SOS1: variants seen among roughly 807,000 people sequenced by gnomAD.
SOS1 encodes SOS Ras/Rac guanine nucleotide exchange factor 1, also known as son of sevenless homolog 1.
A neutral mutation model predicts 157.6 loss-of-function variants in SOS1; 25 were observed. That is an observed-to-expected ratio of 0.16 (90% confidence interval 0.12 to 0.22). SOS1 has a LOEUF of 0.22. SOS1 is among the 10% of genes least tolerant of loss of function. The pLI, the probability that SOS1 is intolerant of heterozygous loss-of-function variation, is 1.00. For synonymous variants in SOS1, 528 were observed against 534.0 expected (o/e 0.99, Z 0.16); for missense variants, 1,237 against 1,599.1 (o/e 0.77, Z 3.86).
intron 6 of SOS1, among the ~76,000 whole-genome samples, chr2:39,042,405 T>G (rs1381239346): frequency 6.6e-6 from 1 of 151,862 alleles, no homozygotes; most frequent in Non-Finnish European, 1.5e-5. Flanking sequence ...ATGTATTTAT[T>G]TATTTATTTA....
At chr2:39,026,949 TACCTTA>T (rs1347116228) in intron 8 of SOS1, among the ~76,000 whole-genome samples, 2 of 152,314 alleles carry the variant, frequency 1.3e-5, no homozygotes, top group East Asian at 3.9e-4. Context: ...GCTTGCTGTA[TACCTTA>T]AGGCAAATTT....
intron 1 of SOS1, among the ~76,000 whole-genome samples, chr2:39,102,654 G>C (rs1022048950): frequency 6.6e-6 from 1 of 150,752 alleles, no homozygotes; most frequent in African/African-American, 2.4e-5. Flanking sequence ...GGAAAAGAAA[G>C]ACTGGTGCGG....
intron 1 of SOS1, among the ~76,000 whole-genome samples, chr2:39,096,175 G>C (rs972040193): frequency 2.0e-5 from 3 of 152,176 alleles, no homozygotes; most frequent in Non-Finnish European, 4.4e-5. Context: ...TCCTTAAGCA[G>C]ACTTGGCTAG....
rs767619216 is a variant in SOS1 at position 38,995,293 on chromosome 2, T to C, written c.3176A>G (p.Glu1059Gly). Residue 1059 changes from glutamate to glycine, a missense_variant, in exon 20 of 23, where the codon GAG (glutamate) becomes GGG (glycine). Coordinates refer to ENST00000402219, the MANE Select transcript of SOS1 (RefSeq NM_005633.4). Reference sequence around the variant, plus strand: ...CCTACTATAACTAATTTTCCTTGGCTCCTGCTGCAGAGGTGTGGGATGCCT... The same window carrying C: ...CCTACTATAACTAATTTTCCTTGGCCCCTGCTGCAGAGGTGTGGGATGCCT... ...TMRHPTPLQQEPRKISYSRIP... is the reference protein window; with the variant it reads ...TMRHPTPLQQGPRKISYSRIP... The C allele has an allele frequency of 1.9e-6, 3 of 1,614,028 alleles. No individual in the cohort carries two copies.
intron 1 of SOS1, among the ~76,000 whole-genome samples, chr2:39,073,900 A>G (rs983217855): frequency 1.3e-5 from 2 of 152,250 alleles, no homozygotes; most frequent in Non-Finnish European, 2.9e-5. Context: ...ATTTAAAAAT[A>G]TAAAGACAGA....
At chr2:39,021,775 G>A (rs993330268) in intron 10 of SOS1, among the ~76,000 whole-genome samples, 11 of 151,574 alleles carry the variant, frequency 7.3e-5, no homozygotes, top group African/African-American at 2.7e-4. Context: ...CAGAAAAGAA[G>A]TATTTTGCAA....
rs1470824092 is a variant in SOS1 at position 39,120,694 on chromosome 2, C to G, written c.-272G>C. ...GCACCACCGCCCCGGGGCCAGGCCC[C>G]CCGCCCCTCCCCGGCCCGCCGGCGC... On this transcript the variant is annotated 5_prime_UTR_variant, in exon 1 of 23. Transcript: ENST00000402219. Among the ~76,000 whole-genome samples the G allele has an allele frequency of 6.8e-6, 1 of 146,700 alleles. No individual in the cohort carries two copies. The highest frequency in any genetic ancestry group is 2.4e-5 in the African/African-American group (1 of 40,886).
chr2:39,008,949 T>C (rs1366538334), intron 15 of SOS1, among the ~76,000 whole-genome samples: 8 of 97,190 alleles, frequency 8.2e-5, no homozygotes, highest in Admixed American at 1.7e-4. Context: ...GTATGACTCT[T>C]ACAAGGGGTG....
At chr2:39,117,522 T>C (rs558409552) in intron 1 of SOS1, among the ~76,000 whole-genome samples, 1 of 152,314 alleles carries the variant, frequency 6.6e-6, no homozygotes, top group South Asian at 2.1e-4. Context: ...AAGGTTATGG[T>C]AGACAATCCA....
Position 39,012,200 on chromosome 2 carries a change from C to G in SOS1, c.2316G>C (p.Glu772Asp), listed in dbSNP as rs1176763588. ...GGTGTAAGGTGAGCAGGTCAAAAGT[C>G]TCTATGTGCCCAGGTCTGCTTATAT... ...EWHISRPGHI[E>D]TFDLLTLHPI... Residue 772 changes from glutamate to aspartate, a missense_variant, in exon 14 of 23, where the codon GAG becomes GAC. Around this residue, in one of 15 missense-constraint regions of SOS1, gnomAD observed 39 missense variants for 40.5 expected, o/e 0.96. Transcript: ENST00000402219. 6.2e-7 allele frequency: 1 copy of G among 1,613,758 alleles called. No individual in the cohort carries two copies. Among genetic ancestry groups the G allele is most frequent in the Non-Finnish European group, 8.5e-7 (1 of 1,179,776 alleles).
At chr2:39,008,027 T>G (rs1344688784) in intron 15 of SOS1, among the ~76,000 whole-genome samples, 1 of 152,180 alleles carries the variant, frequency 6.6e-6, no homozygotes, top group African/African-American at 2.4e-5. Flanking sequence ...TACTCCAGAT[T>G]CCTGCAGTCA....
At chr2:39,019,930 G>A (rs1438143401) in intron 10 of SOS1, among the ~76,000 whole-genome samples, 1 of 151,446 alleles carries the variant, frequency 6.6e-6, no homozygotes. Context: ...AACCAAGGAA[G>A]TAATTTATTT....
chr2:39,084,583 C>T (rs1672309219), intron 1 of SOS1, among the ~76,000 whole-genome samples: 1 of 152,014 alleles, frequency 6.6e-6, no homozygotes, highest in South Asian at 2.1e-4. Context: ...TATTTGTGCA[C>T]ATTTATAACA....
intron 8 of SOS1, among the ~76,000 whole-genome samples, chr2:39,026,926 G>A (rs372740929): frequency 9.2e-5 from 14 of 152,228 alleles, no homozygotes; most frequent in East Asian, 7.7e-4. Context: ...GTGTTGGGCC[G>A]GGGGTTAGAC....
At chr2:39,028,956 C>A (rs1670066375) in intron 8 of SOS1, among the ~76,000 whole-genome samples, 1 of 152,172 alleles carries the variant, frequency 6.6e-6, no homozygotes, top group Admixed American at 6.6e-5. Flanking sequence ...TTTACTAGCC[C>A]TCTTAGCAAA....
At chr2:39,034,294 G>A (rs1670267731) in intron 8 of SOS1, among the ~76,000 whole-genome samples, 1 of 152,176 alleles carries the variant, frequency 6.6e-6, no homozygotes, top group Admixed American at 6.5e-5. Context: ...CCAGTTTACT[G>A]TTAATAAATT....
At chr2:39,095,479 GAACT>G (rs1392025746) in intron 1 of SOS1, among the ~76,000 whole-genome samples, 12 of 152,190 alleles carry the variant, frequency 7.9e-5, no homozygotes, top group African/African-American at 2.9e-4. Context: ...GTTATCAAGA[GAACT>G]AACAGCCAGG....
Position 39,120,571 on chromosome 2 carries a change from T to C in SOS1, c.-149A>G. 1.1e-6 allele frequency: 1 copy of C among 932,356 alleles called. No individual in the cohort carries two copies. The highest frequency in any genetic ancestry group is 1.3e-6 in the Non-Finnish European group (1 of 771,010). The allele number at this position is 932,356 out of a possible 1,614,324, so 57.8% of individuals were successfully genotyped here. On this transcript the variant is annotated 5_prime_UTR_variant, in exon 1 of 23. Transcript: ENST00000402219. ...GGGCGCCGCGCAGCCGGGCTAGCCC[T>C]GGCGAGGGGGCTGGGGGGCGAGGCC...
intron 6 of SOS1, among the ~76,000 whole-genome samples, chr2:39,036,816 C>T (rs1670370094): frequency 6.6e-6 from 1 of 151,986 alleles, no homozygotes; most frequent in Non-Finnish European, 1.5e-5. Flanking sequence ...ACCTCGTGAT[C>T]CGCCCGCCTC....
Sources: gnomAD v4.1 joint callset for allele counts (sites outside exome capture counted in the v4.1 genomes callset) on GRCh38, gnomAD v4.1.1 for gene constraint, gnomAD v4.1.1 regional missense constraint, MANE v1.5 for transcripts, NCBI Gene and HGNC (gene_info 2026-07-23, HGNC 2026-07-21) for gene names.